GRM7: variants seen among roughly 807,000 people sequenced by gnomAD.
GRM7 encodes glutamate metabotropic receptor 7, also known as metabotropic glutamate receptor 7.
Under a neutral mutation model 84.5 loss-of-function variants are expected in GRM7, and 35 were observed. The observed-to-expected ratio is 0.41, with a 90% CI of 0.32 to 0.55. The LOEUF (loss-of-function observed/expected upper bound fraction) is 0.55. Ranked by LOEUF, GRM7 falls within the 20% of genes least tolerant of loss-of-function variation. The pLI, the probability that GRM7 is intolerant of heterozygous loss-of-function variation, is 0.19. For missense variants in GRM7, 1,003 were observed against 1,194.6 expected, an observed-to-expected ratio of 0.84 and a Z score of 2.36; for synonymous variants, 487 against 455.1, an observed-to-expected ratio of 1.07 and a Z score of -0.89.
intron 1 of GRM7, among the ~76,000 whole-genome samples, chr3:6,945,941 T>A (rs1195032603): frequency 6.6e-6 from 1 of 152,186 alleles, no homozygotes; most frequent in Non-Finnish European, 1.5e-5. Context: ...TTGAGTTCAT[T>A]GTAGATTCTG....
At chr3:7,004,556 C>CT (rs930424557) in intron 1 of GRM7, among the ~76,000 whole-genome samples, 3 of 152,060 alleles carry the variant, frequency 2.0e-5, no homozygotes, top group Non-Finnish European at 4.4e-5. Context: ...CTGATCAAGA[C>CT]TTTTTTAATG....
chr3:7,447,117 G>A (rs967623584), intron 5 of GRM7, among the ~76,000 whole-genome samples: 2 of 152,068 alleles, frequency 1.3e-5, no homozygotes, highest in Admixed American at 6.5e-5. Flanking sequence ...TACTAGAGAG[G>A]TAAAAGATAA....
intron 1 of GRM7, among the ~76,000 whole-genome samples, chr3:6,910,133 G>A (rs1489925164): frequency 6.6e-6 from 1 of 152,086 alleles, no homozygotes; most frequent in Middle Eastern, 3.2e-3. Flanking sequence ...TCAATAAGTA[G>A]TATGTGAAAA....
intron 1 of GRM7, among the ~76,000 whole-genome samples, chr3:6,924,819 G>T (rs1182680791): frequency 6.6e-6 from 1 of 152,172 alleles, no homozygotes; most frequent in Non-Finnish European, 1.5e-5. Context: ...GGATTCTGGG[G>T]CTGTGATATG....
chr3:7,204,516 G>T (rs764069886), intron 2 of GRM7, among the ~76,000 whole-genome samples: 2 of 152,196 alleles, frequency 1.3e-5, no homozygotes, highest in Non-Finnish European at 2.9e-5. Context: ...AAATGATTCC[G>T]TTAGCTTAGT....
Position 6,876,070 on chromosome 3 carries a change from C to T in GRM7, c.519+14163C>T, listed in dbSNP as rs141048282. 4.0e-3 allele frequency among the ~76,000 whole-genome samples: 606 copies of T among 152,166 alleles called. 5 individuals carry two copies. The highest frequency in any genetic ancestry group is 0.014 in the African/African-American group (584 of 41,512). ...ATCACCTGAGGTCAGGAGTTCAAAA[C>T]CAGCCTGGCCAACATGGTGAAACCC... On this transcript the variant is annotated intron_variant, in intron 1 of 9. Coordinates refer to ENST00000357716, the MANE Select transcript of GRM7 (RefSeq NM_000844.4).
At chr3:6,975,529 C>G (rs1191621764) in intron 1 of GRM7, among the ~76,000 whole-genome samples, 10 of 152,090 alleles carry the variant, frequency 6.6e-5, no homozygotes, top group Admixed American at 6.6e-4. Flanking sequence ...GAGCATGAGT[C>G]TCCTTAAAAC....
chr3:7,252,467 C>T (rs776499909), intron 2 of GRM7, among the ~76,000 whole-genome samples: 10 of 152,146 alleles, frequency 6.6e-5, no homozygotes, highest in Middle Eastern at 3.4e-3. Context: ...TGCTCACGGT[C>T]CTTTGAGAAT....
chr3:7,019,002 C>A (rs181423029), intron 1 of GRM7, among the ~76,000 whole-genome samples: 102 of 152,280 alleles, frequency 6.7e-4, no homozygotes, highest in African/African-American at 2.4e-3. Flanking sequence ...TAGGATGAGG[C>A]AGGAGAAACG....
intron 2 of GRM7, among the ~76,000 whole-genome samples, chr3:7,241,135 G>C (rs1035617575): frequency 6.6e-6 from 1 of 152,100 alleles, no homozygotes; most frequent in Non-Finnish European, 1.5e-5. Context: ...ATATGACTTA[G>C]CCAAAGTTTA....
chr3:7,735,048 C>CA (rs3840230), intron 9 of GRM7, among the ~76,000 whole-genome samples: 38,349 of 151,496 alleles, frequency 0.25, 5,163 homozygotes, highest in African/African-American at 0.32. Flanking sequence ...GAAGTAATTA[C>CA]AAAAAAAAGT....
chr3:7,302,002 A>G (rs994972005), intron 3 of GRM7, among the ~76,000 whole-genome samples: 24 of 152,292 alleles, frequency 1.6e-4, no homozygotes, highest in Middle Eastern at 6.8e-3. Flanking sequence ...ATTTTAGACA[A>G]GCGTGGATTC....
chr3:7,533,898 C>T (rs577012937), intron 7 of GRM7, among the ~76,000 whole-genome samples: 12 of 152,172 alleles, frequency 7.9e-5, no homozygotes, highest in East Asian at 3.9e-4. Context: ...TGATTTACTA[C>T]GTTCCTACCA....
intron 7 of GRM7, among the ~76,000 whole-genome samples, chr3:7,511,867 A>G (rs1343650793): frequency 6.6e-6 from 1 of 152,262 alleles, no homozygotes; most frequent in Non-Finnish European, 1.5e-5. Context: ...TAGGGCTGGG[A>G]ACAGTGGCTC....
At chr3:7,637,256 T>C (rs910423548) in intron 8 of GRM7, among the ~76,000 whole-genome samples, 2 of 152,200 alleles carry the variant, frequency 1.3e-5, no homozygotes, top group East Asian at 1.9e-4. Context: ...TGATCCTCCC[T>C]TGTTGGCCTC....
At chr3:7,319,983 C>T (rs1700716273) in intron 4 of GRM7, among the ~76,000 whole-genome samples, 1 of 152,014 alleles carries the variant, frequency 6.6e-6, no homozygotes, top group Non-Finnish European at 1.5e-5. Flanking sequence ...CAGATAGATT[C>T]TCAGGGTTCC....
intron 1 of GRM7, among the ~76,000 whole-genome samples, chr3:6,930,379 G>A (rs912009282): frequency 6.6e-6 from 1 of 152,118 alleles, no homozygotes; most frequent in South Asian, 2.1e-4. Flanking sequence ...GTAGGCAAGA[G>A]GTCAAACGAT....
chr3:7,444,440 G>T (rs1249541133), intron 5 of GRM7, among the ~76,000 whole-genome samples: 2 of 152,120 alleles, frequency 1.3e-5, no homozygotes, highest in Non-Finnish European at 2.9e-5. Flanking sequence ...TGCTTCTTTA[G>T]GAAACCATAT....
intron 7 of GRM7, among the ~76,000 whole-genome samples, chr3:7,490,837 C>T (rs1462552281): frequency 6.6e-6 from 1 of 151,826 alleles, no homozygotes; most frequent in Non-Finnish European, 1.5e-5. Context: ...ATAAACTTGG[C>T]AATATATGTA....
Sources: allele counts gnomAD v4.1 joint callset (sites outside exome capture counted in the v4.1 genomes callset), GRCh38; gene constraint gnomAD v4.1.1; transcripts MANE v1.5; gene names NCBI Gene and HGNC (gene_info 2026-07-23, HGNC 2026-07-21).